Variants in ZSCAN5A observed in about 807,000 individuals in gnomAD.
ZSCAN5A encodes the protein zinc finger and SCAN domain-containing protein 5A.
A neutral mutation model predicts 23.7 loss-of-function variants in ZSCAN5A; 12 were observed. The observed-to-expected ratio is 0.51, with a 90% CI of 0.32 to 0.82. ZSCAN5A has a LOEUF of 0.82. Ranked by LOEUF, ZSCAN5A falls within the 40% of genes least tolerant of loss-of-function variation. ZSCAN5A has a pLI of 0.03. For missense variants in ZSCAN5A, 597 were observed against 617.9 expected (o/e 0.97, Z 0.36); for synonymous variants, 257 against 239.9 (o/e 1.07, Z -0.66).
At chr19:56,355,458 AT>A (rs1182641730) in intron 2 of ZSCAN5A, among the ~76,000 whole-genome samples, 2 of 148,578 alleles carry the variant, frequency 1.3e-5, no homozygotes, top group African/African-American at 2.5e-5. Context: ...GATCATGTCA[AT>A]TTTTTTCCCA....
rs539889444 is a variant in ZSCAN5A, at chr19:56,323,715, T to C, written c.-357-7447A>G. Among the ~76,000 whole-genome samples the C allele has an allele frequency of 3.3e-5, 5 of 152,040 alleles. No individual in the cohort carries two copies. The South Asian group carries it at 8.3e-4, about 25-fold the overall frequency. On this transcript the variant is annotated intron_variant, in intron 2 of 6. Coordinates refer to the ZSCAN5A transcript ENST00000587340. Reference sequence around the variant, plus strand: ...CCACAGCCTGCTAATTTTGTATTTTTAGTAGAGATGGGGTTTCTCCATGTT... The same window carrying C: ...CCACAGCCTGCTAATTTTGTATTTTCAGTAGAGATGGGGTTTCTCCATGTT...
At chr19:56,227,418 T>A (rs2034054436) in intron 2 of ZSCAN5A, among the ~76,000 whole-genome samples, 1 of 152,220 alleles carries the variant, frequency 6.6e-6, no homozygotes, top group Admixed American at 6.5e-5. Flanking sequence ...CTGCTGCTGC[T>A]CAGGAGGCAG....
chr19:56,224,902 T>C lies in ZSCAN5A; in HGVS notation c.145A>G (p.Met49Val). Reference protein sequence around the residue: ...DPEISHVNFRMFSCPKESDPI... With the variant: ...DPEISHVNFRVFSCPKESDPI... The stretch of plus-strand genomic sequence containing the variant: ...TCCGACTCCTTCGGGCAGCTGAACA[T>C]CCTGAAGTTCACGTGAGAAATCTCA... Residue 49 changes from methionine to valine, a missense_variant, in exon 3 of 6, where the codon ATG (methionine) becomes GTG (valine). Met to Val is a conservative substitution (Grantham distance 21). Coordinates refer to ENST00000683990, the MANE Select transcript of ZSCAN5A (RefSeq NM_001322064.3). 6.2e-7 allele frequency: 1 copy of C among 1,614,146 alleles called. No individual in the cohort carries two copies. Among genetic ancestry groups the C allele is most frequent in the Non-Finnish European group, 8.5e-7 (1 of 1,180,020 alleles).
chr19:56,286,176 C>T (rs184696185), intron 2 of ZSCAN5A, among the ~76,000 whole-genome samples: 2 of 152,026 alleles, frequency 1.3e-5, no homozygotes, highest in Non-Finnish European at 2.9e-5. Flanking sequence ...CGCCCACCAC[C>T]ATGCTCGGCT....
intron 2 of ZSCAN5A, 92 bp downstream of exon 2, chr19:56,313,191 C>G (rs564009005): frequency 1.7e-3 from 449 of 262,266 alleles, no homozygotes; most frequent in African/African-American, 0.01. Context: ...TGATGACAGA[C>G]AGATGGAAGA....
In ZSCAN5A at chr19:56,284,104, T is replaced by C. The variant is rs976913116; in HGVS notation, c.-128+29179A>G. On this transcript the variant is annotated intron_variant, in intron 2 of 5. Transcript: ENST00000683990. The stretch of plus-strand genomic sequence containing the variant: ...GACCTCGTTTTTGGTTTTCTAATTA[T>C]GGCTTCGTCTTTGTGACCTCTTGGG... 3 of 962,114 alleles carry C rather than the reference T, an allele frequency of 3.1e-6. No homozygotes were observed. In the African/African-American group the frequency reaches 5.3e-5, roughly 17 times the overall value. The allele number at this position is 962,114 out of a possible 1,614,324, so 59.6% of individuals were successfully genotyped here.
intron 2 of ZSCAN5A, among the ~76,000 whole-genome samples, chr19:56,335,551 G>A (rs1027112745): frequency 1.3e-5 from 2 of 152,192 alleles, no homozygotes; most frequent in Non-Finnish European, 2.9e-5. Flanking sequence ...TTGCCAGTCT[G>A]TGTCTTTTAA....
chr19:56,340,622 T>C (rs2041584984), intron 2 of ZSCAN5A, among the ~76,000 whole-genome samples: 2 of 152,210 alleles, frequency 1.3e-5, no homozygotes, highest in Non-Finnish European at 1.5e-5. Flanking sequence ...ACTTATGTGT[T>C]TCTGAAATCC....
chr19:56,300,252 A>T (rs1435455692), intron 2 of ZSCAN5A, among the ~76,000 whole-genome samples: 1 of 152,220 alleles, frequency 6.6e-6, no homozygotes, highest in African/African-American at 2.4e-5. Context: ...ACCCTTTTAT[A>T]TAGCCAAGCA....
chr19:56,342,647 A>T (rs986716041), intron 2 of ZSCAN5A: 2 of 513,358 alleles, frequency 3.9e-6, no homozygotes, highest in African/African-American at 3.9e-5. Context: ...GGAAAAAGGG[A>T]TCTTGACCTC....
chr19:56,254,346 T>C (rs2036555479), intron 2 of ZSCAN5A, among the ~76,000 whole-genome samples: 1 of 152,218 alleles, frequency 6.6e-6, no homozygotes, highest in African/African-American at 2.4e-5. Flanking sequence ...ATCTTACCTA[T>C]TAGTTGTAAC....
intron 2 of ZSCAN5A, among the ~76,000 whole-genome samples, chr19:56,340,474 C>T (rs1240839642): frequency 1.3e-5 from 2 of 152,148 alleles, no homozygotes. Flanking sequence ...TAGTATGAGT[C>T]AGGGTAGCAG....
At chr19:56,304,891 T>A (rs1462124940) in intron 2 of ZSCAN5A, 1 of 670,978 alleles carries the variant, frequency 1.5e-6, no homozygotes, top group Admixed American at 6.3e-5. Flanking sequence ...GGGAGGTTCA[T>A]CCCAACTGCC....
intron 2 of ZSCAN5A, among the ~76,000 whole-genome samples, chr19:56,353,536 G>A (rs12104159): frequency 0.11 from 17,360 of 152,092 alleles, 1,538 homozygotes; most frequent in African/African-American, 0.26. Context: ...TTGGGAGGCC[G>A]AGGCGGGCGA....
chr19:56,226,566 G>A (rs977541082), intron 2 of ZSCAN5A, among the ~76,000 whole-genome samples: 19 of 152,150 alleles, frequency 1.2e-4, no homozygotes, highest in African/African-American at 4.3e-4. Flanking sequence ...CACATGGAAC[G>A]AGTGTTGGTG....
intron 4 of ZSCAN5A, 28 bp downstream of exon 4, chr19:56,223,603 C>G: frequency 1.2e-6 from 2 of 1,610,900 alleles, no homozygotes; most frequent in Non-Finnish European, 8.5e-7. Flanking sequence ...CCCACCTCTG[C>G]CCAGACACCA....
At chr19:56,238,474 C>G (rs2035166189) in intron 2 of ZSCAN5A, among the ~76,000 whole-genome samples, 1 of 152,088 alleles carries the variant, frequency 6.6e-6, no homozygotes, top group African/African-American at 2.4e-5. Context: ...ACAAAAAAAT[C>G]TTTTAAAATT....
intron 2 of ZSCAN5A, among the ~76,000 whole-genome samples, chr19:56,231,565 C>T (rs1344364893): frequency 6.6e-6 from 1 of 152,204 alleles, no homozygotes; most frequent in African/African-American, 2.4e-5. Context: ...GCTCCAGCCC[C>T]CTTGATGTGC....
chr19:56,304,011 A>G (rs1600241765), intron 2 of ZSCAN5A, among the ~76,000 whole-genome samples: 1 of 152,138 alleles, frequency 6.6e-6, no homozygotes, highest in African/African-American at 2.4e-5. Flanking sequence ...GTTCTCATAG[A>G]CCACGAGAAG....
Sources: allele counts gnomAD v4.1 joint callset (sites outside exome capture counted in the v4.1 genomes callset), GRCh38; gene constraint gnomAD v4.1.1; transcripts MANE v1.5; gene names NCBI Gene and HGNC (gene_info 2026-07-23, HGNC 2026-07-21).